Variants in KIAA1671 observed in about 807,000 individuals in gnomAD.
The protein encoded by KIAA1671 is uncharacterized protein KIAA1671.
In KIAA1671, 52 loss-of-function variants were observed where a neutral mutation model predicts 131.2. That is an observed-to-expected ratio of 0.40 (90% CI 0.32 to 0.50). The LOEUF (loss-of-function observed/expected upper bound fraction) is 0.50, where lower values mean the gene tolerates loss of function less well. Ranked by LOEUF, KIAA1671 falls within the 20% of genes least tolerant of loss-of-function variation. The pLI, the probability that KIAA1671 is intolerant of heterozygous loss-of-function variation, is 0.73. For missense variants in KIAA1671, 2,360 were observed against 2,364.2 expected (o/e 1.00, Z 0.04); for synonymous variants, 1,003 against 961.6 (o/e 1.04, Z -0.80).
At chr22:24,980,500 A>G (rs893272955) in intron 1 of KIAA1671, among the ~76,000 whole-genome samples, 1 of 151,048 alleles carries the variant, frequency 6.6e-6, no homozygotes, top group Admixed American at 6.6e-5. Flanking sequence ...TCGAACTCCT[A>G]ACCTCCTGAT....
intron 6 of KIAA1671, among the ~76,000 whole-genome samples, chr22:25,156,070 G>A (rs1362124305): frequency 1.6e-5 from 2 of 126,530 alleles, no homozygotes; most frequent in Non-Finnish European, 3.2e-5. Flanking sequence ...CACCCAGGCT[G>A]GAGTGCAGTG....
rs1934192697 is a variant in KIAA1671, at chr22:25,179,582, C to G, written c.5074+2060C>G. Reference sequence around the variant, plus strand: ...TGGGAAGGGAACGGAGCCGCTTCCCCTGCCCAATGCGTTGGCCTCCAGGGT... The same window carrying G: ...TGGGAAGGGAACGGAGCCGCTTCCCGTGCCCAATGCGTTGGCCTCCAGGGT... On this transcript the variant is annotated intron_variant, in intron 9 of 12. Coordinates refer to ENST00000358431, the MANE Select transcript of KIAA1671 (RefSeq NM_001145206.2). 3.6e-6 allele frequency: 5 copies of G among 1,397,984 alleles called. No individual in the cohort carries two copies. The Admixed American group carries it at 9.2e-5, about 26-fold the overall frequency. 86.6% of individuals were successfully genotyped at this position (1,397,984 alleles called of 1,614,324 possible).
intron 6 of KIAA1671, among the ~76,000 whole-genome samples, chr22:25,155,041 G>A (rs1032821192): frequency 1.3e-5 from 2 of 151,930 alleles, no homozygotes; most frequent in African/African-American, 4.8e-5. Flanking sequence ...CCCCCACTCT[G>A]TCTGAGGCCC....
chr22:25,009,574 A>G (rs957154865), intron 1 of KIAA1671: 1 of 123,758 alleles, frequency 8.1e-6, no homozygotes, highest in Non-Finnish European at 1.7e-5. Flanking sequence ...CCCCTTCCCC[A>G]CTTTTTTTTT....
chr22:24,969,905 T>G (rs926021181), intron 1 of KIAA1671, among the ~76,000 whole-genome samples: 4 of 152,144 alleles, frequency 2.6e-5, no homozygotes, highest in African/African-American at 9.7e-5. Flanking sequence ...GCCCCTTCTA[T>G]GGATGCTGTA....
intron 6 of KIAA1671, among the ~76,000 whole-genome samples, chr22:25,090,115 A>G (rs901112540): frequency 1.3e-5 from 2 of 152,240 alleles, no homozygotes; most frequent in South Asian, 2.1e-4. Flanking sequence ...GTGAGGATCC[A>G]GGGAGTGCGG....
rs2146020202 is a variant in KIAA1671 at position 25,174,353 on chromosome 22, A to G, written c.4763A>G (p.Tyr1588Cys). The change falls in exon 8 of 13, where the codon TAT (tyrosine) becomes TGT (cysteine). Residue 1588 changes from tyrosine to cysteine, a missense_variant. This residue lies in a region of KIAA1671 where 1,161 missense variants were observed against 1,204.7 expected (regional missense o/e 0.96). Coordinates refer to ENST00000358431, the MANE Select transcript of KIAA1671 (RefSeq NM_001145206.2). ...GAGCCCACCTCGGCAGGGGACCAGT[A>G]TGACTGCTCCAGGGACCAGCGGAGC... ...QTEPTSAGDQYDCSRDQRSTS... is the reference protein window; with the variant it reads ...QTEPTSAGDQCDCSRDQRSTS... The G allele has an allele frequency of 1.9e-6, 3 of 1,552,034 alleles. No individual in the cohort carries two copies. The East Asian group carries it at 7.3e-5, about 38-fold the overall frequency.
chr22:25,053,129 A>C (rs1927630284), intron 6 of KIAA1671: 1 of 152,210 alleles, frequency 6.6e-6, no homozygotes, highest in Non-Finnish European at 1.5e-5. Flanking sequence ...TTGAGGAGAC[A>C]GGCCCAGTGT....
At chr22:25,143,544 G>A (rs1341326056) in intron 6 of KIAA1671, among the ~76,000 whole-genome samples, 2 of 151,946 alleles carry the variant, frequency 1.3e-5, no homozygotes, top group Non-Finnish European at 2.9e-5. Flanking sequence ...TCTATAAATT[G>A]TCATGGGCTG....
chr22:24,957,560 A>G (rs989994087), intron 1 of KIAA1671, among the ~76,000 whole-genome samples: 8 of 151,552 alleles, frequency 5.3e-5, no homozygotes, highest in African/African-American at 1.7e-4. Flanking sequence ...TCCCCCCGGG[A>G]CCTCAGTTTC....
chr22:25,027,918 A>T, intron 2 of KIAA1671, 27 bp from the exon 3 acceptor site: 1 of 1,120,232 alleles, frequency 8.9e-7, no homozygotes, highest in Non-Finnish European at 1.2e-6. Context: ...TTCCAAATTT[A>T]CTTGTTTGTT....
intron 6 of KIAA1671, chr22:25,050,508 T>C (rs949731500): frequency 6.6e-6 from 1 of 152,258 alleles, no homozygotes; most frequent in Non-Finnish European, 1.5e-5. Context: ...CATATGATTT[T>C]GTGCTGAAGC....
chr22:25,120,723 C>A (rs955327419), intron 6 of KIAA1671, among the ~76,000 whole-genome samples: 1 of 152,212 alleles, frequency 6.6e-6, no homozygotes, highest in Admixed American at 6.5e-5. Context: ...TTTTTCCCCC[C>A]TCTTCCAAAC....
chr22:25,028,699 C>T lies in KIAA1671; in HGVS notation c.700C>T (p.Pro234Ser). 6.4e-7 allele frequency: 1 copy of T among 1,551,208 alleles called. No individual in the cohort carries two copies. ...GGACACGGCACGCCCCCTTGTGGAG[C>T]CCAGGCCTCGCCTGAAGAGAAGGCC... ...VEDTARPLVE[P>S]RPRLKRRPVS... Residue 234 changes from proline (P) to serine (S), a missense_variant, in exon 3 of 13, where the codon CCC becomes TCC. This residue lies in a region of KIAA1671 where 1,185 missense variants were observed against 1,126.2 expected (regional missense o/e 1.05). Coordinates refer to ENST00000358431, the MANE Select transcript of KIAA1671 (RefSeq NM_001145206.2).
At chr22:25,084,780 A>G (rs952710020) in intron 6 of KIAA1671, among the ~76,000 whole-genome samples, 9 of 152,224 alleles carry the variant, frequency 5.9e-5, no homozygotes, top group Admixed American at 5.9e-4. Flanking sequence ...TGTTTGGTGC[A>G]TGTGATGGTT....
At chr22:24,956,024 CAAA>C (rs1167493018) in intron 1 of KIAA1671, among the ~76,000 whole-genome samples, 5 of 51,894 alleles carry the variant, frequency 9.6e-5, no homozygotes, top group African/African-American at 1.4e-4. Context: ...GACTCCGTCT[CAAA>C]AAAAAAAAAA....
At chr22:25,156,124 G>A (rs569983430) in intron 6 of KIAA1671, among the ~76,000 whole-genome samples, 1 of 137,452 alleles carries the variant, frequency 7.3e-6, no homozygotes, top group South Asian at 2.4e-4. Context: ...CTAGGTTCAT[G>A]CCATTCTCCT....
chr22:25,068,744 C>T (rs888527775), intron 6 of KIAA1671, among the ~76,000 whole-genome samples: 1 of 152,208 alleles, frequency 6.6e-6, no homozygotes, highest in Non-Finnish European at 1.5e-5. Flanking sequence ...CCCACCCTCT[C>T]CTTATTTAAG....
chr22:25,182,862 G>T (rs1421600728), intron 10 of KIAA1671, among the ~76,000 whole-genome samples: 1 of 152,180 alleles, frequency 6.6e-6, no homozygotes, highest in Non-Finnish European at 1.5e-5. Flanking sequence ...CACAGAAAAT[G>T]ATCATTTCAG....
Sources: allele counts gnomAD v4.1 joint callset (sites outside exome capture counted in the v4.1 genomes callset), GRCh38; gene constraint gnomAD v4.1.1; regional missense constraint gnomAD v4.1.1; transcripts MANE v1.5; gene names NCBI Gene and HGNC (gene_info 2026-07-23, HGNC 2026-07-21).